The following XIRP2 variants were observed in gnomAD, a reference collection of about 807,000 sequenced individuals.
XIRP2 encodes the protein xin actin binding repeat containing 2, also known as xin actin-binding repeat-containing protein 2.
XIRP2 carries 236 observed loss-of-function variants against 277.0 expected under a neutral mutation model. The ratio of observed to expected loss-of-function variants is 0.85; its 90% CI spans 0.77 to 0.95. The LOEUF (loss-of-function observed/expected upper bound fraction) is 0.95, where lower values mean the gene tolerates loss of function less well. XIRP2 is among the 40% of genes least tolerant of loss of function. XIRP2 has a pLI of 0.00. For synonymous variants in XIRP2, 1,490 were observed against 1,416.5 expected (o/e 1.05, Z -1.17); for missense variants, 4,640 against 4,157.5 (o/e 1.12, Z -3.19).
intron 2 of XIRP2, among the ~76,000 whole-genome samples, chr2:167,050,517 G>T (rs902124699): frequency 6.6e-6 from 1 of 151,936 alleles, no homozygotes; most frequent in Non-Finnish European, 1.5e-5. Flanking sequence ...GGGCTATTTT[G>T]GCATAGAACT....
In XIRP2 at chr2:166,903,643, C is replaced by T. The variant is rs1684440888; in HGVS notation, c.161C>T (p.Pro54Leu). The T allele has an allele frequency of 1.9e-6, 3 of 1,613,622 alleles. No homozygotes were observed. The highest frequency in any genetic ancestry group is 2.5e-6 in the Non-Finnish European group (3 of 1,179,760). Residue 54 changes from proline to leucine, a missense_variant, in exon 2 of 11, where the codon CCT becomes CTT. By Grantham distance (98) the Pro-to-Leu change is moderately conservative (BLOSUM62 -3). Transcript: ENST00000409195. ...CCTGAAGGAGAGGTAGTATCAGCAC[C>T]TCAATCTTTGGATCCCACAAGTCTG... ...LAPEGEVVSAPQSLDPTSLPY... is the reference protein window; with the variant it reads ...LAPEGEVVSALQSLDPTSLPY...
intron 2 of XIRP2, among the ~76,000 whole-genome samples, chr2:167,117,188 C>T (rs1344897645): frequency 1.3e-5 from 2 of 151,776 alleles, no homozygotes; most frequent in Non-Finnish European, 2.9e-5. Context: ...TAACTAAATG[C>T]TTTGTTTTGT....
Position 166,915,299 on chromosome 2 carries a change from C to CAAAAA in XIRP2, c.408+11428_408+11432dup, listed in dbSNP as rs993808427. ...TGGGCGACACAGCAAGACTCCGTCT[C>CAAAAA]AAAAAAAAAAAAAAAAAAAAAAAGA... On this transcript the variant is annotated intron_variant, in intron 2 of 10. Transcript: ENST00000409195. 4.5e-3 allele frequency among the ~76,000 whole-genome samples: 178 copies of CAAAAA among 39,930 alleles called. 2 individuals carry two copies. Among genetic ancestry groups the CAAAAA allele is most frequent in the East Asian group, 0.012 (27 of 2,184 alleles). 26.2% of individuals were successfully genotyped at this position (39,930 alleles called of 152,430 possible).
At chr2:167,203,623 T>C (rs1693780329) in intron 3 of XIRP2, among the ~76,000 whole-genome samples, 1 of 152,236 alleles carries the variant, frequency 6.6e-6, no homozygotes, top group Non-Finnish European at 1.5e-5. Context: ...TCTGAATTGA[T>C]GCAGGTCTGT....
intron 3 of XIRP2, among the ~76,000 whole-genome samples, chr2:167,189,485 C>G (rs1573943502): frequency 6.6e-6 from 1 of 152,276 alleles, no homozygotes; most frequent in East Asian, 1.9e-4. Context: ...TTTCCCACCT[C>G]CTCTTATGAA....
At chr2:167,088,675 C>T (rs1382096370) in intron 2 of XIRP2, among the ~76,000 whole-genome samples, 2 of 152,114 alleles carry the variant, frequency 1.3e-5, no homozygotes, top group Non-Finnish European at 2.9e-5. Context: ...TCCGTTGTGC[C>T]CCAGGCATAC....
intron 2 of XIRP2, among the ~76,000 whole-genome samples, chr2:166,994,301 G>GT (rs1204476877): frequency 1.4e-5 from 1 of 71,062 alleles, no homozygotes; most frequent in Non-Finnish European, 2.5e-5. Context: ...CACAGGAAGG[G>GT]GAATATCACA....
At chr2:167,008,168 A>G (rs1687557840) in intron 2 of XIRP2, among the ~76,000 whole-genome samples, 2 of 151,588 alleles carry the variant, frequency 1.3e-5, no homozygotes, top group Admixed American at 1.3e-4. Flanking sequence ...GATTAACTCT[A>G]ATTTGTCAAC....
At chr2:167,190,796 C>T (rs1254379539) in intron 3 of XIRP2, among the ~76,000 whole-genome samples, 1 of 152,134 alleles carries the variant, frequency 6.6e-6, no homozygotes, top group African/African-American at 2.4e-5. Context: ...TATTTAATGA[C>T]TCTTGGGGCT....
At chr2:167,072,351 A>T (rs1689457602) in intron 2 of XIRP2, among the ~76,000 whole-genome samples, 1 of 152,172 alleles carries the variant, frequency 6.6e-6, no homozygotes. Flanking sequence ...TCAAGTTAGT[A>T]TAATAGCTAT....
At chr2:166,911,933 GC>G (rs1250661425) in intron 2 of XIRP2, among the ~76,000 whole-genome samples, 5 of 151,916 alleles carry the variant, frequency 3.3e-5, no homozygotes, top group African/African-American at 1.2e-4. Context: ...TGTTGATTTG[GC>G]CTCCACTCTC....
chr2:167,206,312 A>C (rs1305456936), intron 3 of XIRP2, among the ~76,000 whole-genome samples: 1 of 151,944 alleles, frequency 6.6e-6, no homozygotes, highest in African/African-American at 2.4e-5. Context: ...CCCCATCCTC[A>C]CACTGAAATG....
chr2:167,258,262 C>G lies in XIRP2; in HGVS notation c.*445C>G. 1 of 1,613,264 alleles carries G rather than the reference C, an allele frequency of 6.2e-7. No homozygotes were observed. The highest frequency in any genetic ancestry group is 8.5e-7 in the Non-Finnish European group (1 of 1,179,638). On this transcript the variant is annotated 3_prime_UTR_variant, in exon 11 of 11. Transcript: ENST00000409195. ...CACCTGAAATGACAACCCTGCTATC[C>G]CCTGAATTTAAAAGTGAATCTCTGC...
chr2:167,061,345 T>C (rs917122279), intron 2 of XIRP2, among the ~76,000 whole-genome samples: 1 of 152,200 alleles, frequency 6.6e-6, no homozygotes, highest in African/African-American at 2.4e-5. Flanking sequence ...TTTATTTCTT[T>C]GCTTTGCCTT....
chr2:167,060,686 G>A (rs567165438), intron 2 of XIRP2, among the ~76,000 whole-genome samples: 36 of 152,214 alleles, frequency 2.4e-4, no homozygotes, highest in African/African-American at 7.7e-4. Context: ...GATCATATAT[G>A]TGTGGATCCA....
intron 2 of XIRP2, among the ~76,000 whole-genome samples, chr2:166,986,681 G>A (rs1457143511): frequency 6.6e-6 from 1 of 152,216 alleles, no homozygotes; most frequent in Non-Finnish European, 1.5e-5. Flanking sequence ...GAATGTGAAT[G>A]TATAACACTG....
intron 3 of XIRP2, among the ~76,000 whole-genome samples, chr2:167,158,361 A>G (rs1692264223): frequency 6.6e-6 from 1 of 152,176 alleles, no homozygotes; most frequent in Admixed American, 6.6e-5. Flanking sequence ...AAATTTGAAA[A>G]CACTAGATTT....
intron 2 of XIRP2, among the ~76,000 whole-genome samples, chr2:167,006,679 C>T (rs999683113): frequency 3.3e-5 from 5 of 151,616 alleles, no homozygotes; most frequent in Non-Finnish European, 7.4e-5. Flanking sequence ...GACCAAGCAT[C>T]CCAGCAACAG....
intron 2 of XIRP2, among the ~76,000 whole-genome samples, chr2:167,084,983 A>G (rs1395032787): frequency 7.5e-6 from 1 of 132,498 alleles, no homozygotes; most frequent in Admixed American, 8.2e-5. Context: ...GCCTTCTGCT[A>G]GCTTTTGAAT....
Sources: allele counts gnomAD v4.1 joint callset (sites outside exome capture counted in the v4.1 genomes callset), GRCh38; gene constraint gnomAD v4.1.1; transcripts MANE v1.5; gene names NCBI Gene and HGNC (gene_info 2026-07-23, HGNC 2026-07-21).